TSFM: variants seen among roughly 807,000 people sequenced by gnomAD.
TSFM encodes the protein Ts translation elongation factor, mitochondrial.
TSFM carries 29 observed loss-of-function variants against 33.4 expected under a neutral mutation model. The ratio of observed to expected loss-of-function variants is 0.87; its 90% CI spans 0.65 to 1.18. The LOEUF (loss-of-function observed/expected upper bound fraction) is 1.18, where lower values mean the gene tolerates loss of function less well. TSFM is among the 50% of genes most tolerant of loss of function. The pLI is 0.00. For synonymous variants in TSFM, 178 were observed against 163.5 expected, an observed-to-expected ratio of 1.09 and a Z score of -0.68; for missense variants, 394 against 395.6, an observed-to-expected ratio of 1.00 and a Z score of 0.04.
downstream of TSFM, chr12:57,798,010 A>C: frequency 6.4e-7 from 1 of 1,557,490 alleles, no homozygotes; most frequent in African/African-American, 1.4e-5. Flanking sequence ...GAGAGAAAAC[A>C]AAGTTTCTAG....
At chr12:57,783,594 G>GA in intron 2 of TSFM, 1 of 579,078 alleles carries the variant, frequency 1.7e-6, no homozygotes, top group Non-Finnish European at 3.3e-6. Context: ...TCTGACTTTA[G>GA]ACTTTTTTTT....
In TSFM at chr12:57,783,108, A is replaced by G. The variant is rs1346981321; in HGVS notation, c.58-2A>G. The G allele has an allele frequency of 6.2e-7, 1 of 1,608,074 alleles. No homozygotes were observed. The highest frequency in any genetic ancestry group is 8.5e-7 in the Non-Finnish European group (1 of 1,179,014). On this transcript the variant is annotated splice_acceptor_variant, in intron 1 of 5. Coordinates refer to ENST00000652027, the MANE Select transcript of TSFM (RefSeq NM_005726.6). LOFTEE classifies it high-confidence loss of function. ...TCCTCATCCCTTTCTTATCTCATCTAGGCTGGGTCTCTTCTGCGTCAGTCG... is the reference window on the plus strand; with the variant it reads ...TCCTCATCCCTTTCTTATCTCATCTGGGCTGGGTCTCTTCTGCGTCAGTCG...
In TSFM at chr12:57,796,426, A is replaced by C. The variant is rs1955740653; in HGVS notation, c.821A>C (p.Glu274Ala). The change falls in exon 6 of 6, where the codon GAG (glutamate) becomes GCG (alanine). Residue 274 changes from glutamate to alanine, a missense_variant. By Grantham distance (107) the Glu-to-Ala change is moderately radical. This residue lies in a region of TSFM where 186 missense variants were observed against 198.8 expected (regional missense o/e 0.94). Coordinates refer to ENST00000652027, the MANE Select transcript of TSFM (RefSeq NM_005726.6). ...CTCTCTGTTGGCTCCCTGGACGATGAGCCTGGGGGAGAGGCAGAGACTAAG... is the reference window on the plus strand; with the variant it reads ...CTCTCTGTTGGCTCCCTGGACGATGCGCCTGGGGGAGAGGCAGAGACTAAG... Reference protein sequence around the residue: ...APLSVGSLDDEPGGEAETKML... With the variant: ...APLSVGSLDDAPGGEAETKML... 6.2e-7 allele frequency: 1 copy of C among 1,601,790 alleles called. No individual in the cohort carries two copies. The highest frequency in any genetic ancestry group is 1.1e-5 in the South Asian group (1 of 89,316).
chr12:57,796,295 G>C lies in TSFM; in HGVS notation c.690G>C (p.Val230=). Residue 230 remains valine (V), a synonymous_variant, in exon 6 of 6, where the codon GTG becomes GTC. Coordinates refer to ENST00000652027, the MANE Select transcript of TSFM (RefSeq NM_005726.6). ...AGAGTCCCTCACTTCACAAGCTGGT[G>C]CTGGGGAAGTATGGGGCCCTGGTCA... ...AMQSPSLHKL[V]LGKYGALVIC... is the part of the protein sequence containing the mutation. 6.2e-7 allele frequency: 1 copy of C among 1,612,476 alleles called. No homozygotes were observed. The highest frequency in any genetic ancestry group is 8.5e-7 in the Non-Finnish European group (1 of 1,179,240).
At chr12:57,788,996 C>G (rs1362170995) in intron 4 of TSFM, among the ~76,000 whole-genome samples, 1 of 140,394 alleles carries the variant, frequency 7.1e-6, no homozygotes, top group Non-Finnish European at 1.5e-5. Flanking sequence ...GATGGAGTCT[C>G]TCTGTCACCC....
rs762593346 is a variant in TSFM at position 57,787,135 on chromosome 12, A to G, written c.456A>G (p.Leu152=). The G allele has an allele frequency of 1.9e-5, 30 of 1,595,458 alleles. No individual in the cohort carries two copies. The highest frequency in any genetic ancestry group is 2.4e-5 in the Non-Finnish European group (28 of 1,169,792). ...GAACCATGATGCATTGTCAGACCCT[A>G]AAGGATCAACCCTCTGCATACAGTA... ...ALGTMMHCQT[L]KDQPSAYSKG... Residue 152 remains leucine (L), a synonymous_variant, in exon 4 of 6, where the codon CTA becomes CTG. Coordinates refer to ENST00000652027, the MANE Select transcript of TSFM (RefSeq NM_005726.6).
At chr12:57,784,993 CTT>C (rs1955571740) in intron 2 of TSFM, among the ~76,000 whole-genome samples, 2 of 118,124 alleles carry the variant, frequency 1.7e-5, no homozygotes, top group South Asian at 6.1e-4. Context: ...GTGGCACAAT[CTT>C]GGCTCACTGC....
chr12:57,783,912 G>A, intron 2 of TSFM: 1 of 701,788 alleles, frequency 1.4e-6, no homozygotes, highest in South Asian at 1.5e-5. Context: ...CACCGCGCCC[G>A]GCTGACTTTA....
intron 2 of TSFM, among the ~76,000 whole-genome samples, chr12:57,784,938 T>C (rs1410314244): frequency 1.4e-5 from 2 of 139,380 alleles, no homozygotes; most frequent in East Asian, 2.1e-4. Context: ...TTTTTTTTTT[T>C]TTTTTTGAGA....
chr12:57,784,216 A>C (rs1267419070), intron 2 of TSFM: 3 of 683,912 alleles, frequency 4.4e-6, no homozygotes, highest in Non-Finnish European at 7.9e-6. Flanking sequence ...GTAAATAGGC[A>C]TAAAAGATAA....
intron 1 of TSFM, 31 bp from the exon 2 acceptor site, chr12:57,783,079 C>G (rs542271139): frequency 6.3e-7 from 1 of 1,589,578 alleles, no homozygotes; most frequent in South Asian, 1.1e-5. Flanking sequence ...TTGCTGCTTC[C>G]TGCTCCTCAT....
At chr12:57,797,874 T>C (rs770048756), downstream of TSFM, 14 of 1,607,276 alleles carry the variant, frequency 8.7e-6, no homozygotes, top group Non-Finnish European at 1.1e-5. Flanking sequence ...GGTATAGGCC[T>C]TCTTGCTTTA....
At chr12:57,800,005 AT>A, downstream of TSFM, 1 of 1,517,266 alleles carries the variant, frequency 6.6e-7, no homozygotes, top group South Asian at 1.2e-5. Flanking sequence ...AATATTTAAC[AT>A]TTTGACTTAT....
chr12:57,782,894 C>T, intron 1 of TSFM, 36 bp downstream of exon 1: 1 of 1,567,062 alleles, frequency 6.4e-7, no homozygotes, highest in East Asian at 2.4e-5. Flanking sequence ...ACCTGCTGTC[C>T]CTGCAGCTCT....
rs1199179128 is a variant in TSFM at position 57,797,030 on chromosome 12, A to C, written c.*447A>C. 1.0e-6 allele frequency: 1 copy of C among 985,550 alleles called. No individual in the cohort carries two copies. Among genetic ancestry groups the C allele is most frequent in the Admixed American group, 6.1e-5 (1 of 16,262 alleles). The allele number at this position is 985,550 out of a possible 1,614,324, so 61.1% of individuals were successfully genotyped here. The stretch of plus-strand genomic sequence containing the variant: ...TTTAGGATTATTGATTCAAACCTAG[A>C]GTTGTCTGGAAAATGTGGGTTCTCT... On this transcript the variant is annotated 3_prime_UTR_variant, in exon 6 of 6. Coordinates refer to ENST00000652027, the MANE Select transcript of TSFM (RefSeq NM_005726.6).
At chr12:57,783,354 G>T in intron 2 of TSFM, 71 bp downstream of exon 2, 1 of 1,582,244 alleles carries the variant, frequency 6.3e-7, no homozygotes. Flanking sequence ...GTCACGCTGG[G>T]GAGCATAAAG....
downstream of TSFM, chr12:57,797,656 T>C: frequency 1.2e-6 from 1 of 828,172 alleles, no homozygotes; most frequent in Non-Finnish European, 1.5e-6. Flanking sequence ...AGGCTTTAGC[T>C]AGAGGGCCAC....
chr12:57,798,035 T>C, downstream of TSFM: 1 of 1,469,948 alleles, frequency 6.8e-7, no homozygotes, highest in Non-Finnish European at 9.3e-7. Context: ...AAGGAAGACA[T>C]GACATCATTG....
At chr12:57,791,961 C>A in intron 4 of TSFM, 1 of 375,264 alleles carries the variant, frequency 2.7e-6, no homozygotes, top group South Asian at 2.0e-5. Flanking sequence ...TTGTTCTTGG[C>A]CAGGTGCAGT....
Sources: gnomAD v4.1 joint callset for allele counts (sites outside exome capture counted in the v4.1 genomes callset) on GRCh38, gnomAD v4.1.1 for gene constraint, gnomAD v4.1.1 regional missense constraint, MANE v1.5 for transcripts, NCBI Gene and HGNC (gene_info 2026-07-23, HGNC 2026-07-21) for gene names.